KPNA4: variants seen among roughly 807,000 people sequenced by gnomAD.
KPNA4 encodes importin subunit alpha-3.
In KPNA4, 13 loss-of-function variants were observed where a neutral mutation model predicts 71.3. The ratio of observed to expected loss-of-function variants is 0.18; its 90% CI spans 0.12 to 0.29. The LOEUF is 0.29. Among genes scored for constraint, KPNA4 ranks in the 10% least tolerant of loss-of-function variants. The pLI is 1.00. For synonymous variants in KPNA4, 189 were observed against 195.2 expected, an observed-to-expected ratio of 0.97 and a Z score of 0.26; for missense variants, 334 against 603.2, an observed-to-expected ratio of 0.55 and a Z score of 4.67.
chr3:160,552,786 G>A (rs1405896022), intron 1 of KPNA4, among the ~76,000 whole-genome samples: 2 of 152,134 alleles, frequency 1.3e-5, no homozygotes, highest in Non-Finnish European at 2.9e-5. Context: ...GGGTGAAGAG[G>A]AGAACACCAC....
At chr3:160,526,968 A>G (rs188630912) in intron 8 of KPNA4, among the ~76,000 whole-genome samples, 1 of 152,286 alleles carries the variant, frequency 6.6e-6, no homozygotes, top group Non-Finnish European at 1.5e-5. Flanking sequence ...CTAATAGTAT[A>G]AACCCAATGT....
At chr3:160,535,094 T>C (rs534052820) in intron 5 of KPNA4, among the ~76,000 whole-genome samples, 15 of 152,314 alleles carry the variant, frequency 9.8e-5, no homozygotes, top group Middle Eastern at 3.4e-3. Flanking sequence ...GGATTTATTG[T>C]TTGATCAATA....
At chr3:160,548,513 T>C (rs868045798) in intron 1 of KPNA4, among the ~76,000 whole-genome samples, 12 of 152,188 alleles carry the variant, frequency 7.9e-5, no homozygotes, top group African/African-American at 1.2e-4. Context: ...TCTATGCATT[T>C]GCCTATTCTA....
At chr3:160,503,010 T>C (rs115895595) in intron 16 of KPNA4, among the ~76,000 whole-genome samples, 5,538 of 151,744 alleles carry the variant, frequency 0.036, 347 homozygotes, top group African/African-American at 0.13. Context: ...ACTTGGGAGG[T>C]TGAGGGTGGA....
intron 6 of KPNA4, among the ~76,000 whole-genome samples, chr3:160,531,224 T>C (rs1273883039): frequency 1.3e-5 from 2 of 152,128 alleles, no homozygotes; most frequent in Non-Finnish European, 2.9e-5. Flanking sequence ...CTGGTCAAAC[T>C]AGTTCTTGCC....
At chr3:160,527,887 T>C (rs1721488804) in intron 8 of KPNA4, 66 bp downstream of exon 8, 1 of 1,173,674 alleles carries the variant, frequency 8.5e-7, no homozygotes, top group Non-Finnish European at 1.2e-6. Context: ...GGATTACTAG[T>C]AGCTATTTTT....
chr3:160,534,285 T>G (rs1245925942), intron 5 of KPNA4, among the ~76,000 whole-genome samples: 1 of 152,170 alleles, frequency 6.6e-6, no homozygotes, highest in Non-Finnish European at 1.5e-5. Flanking sequence ...ATTCTTATAT[T>G]CATAAATATA....
chr3:160,561,553 A>C (rs1722246784), intron 1 of KPNA4, among the ~76,000 whole-genome samples: 1 of 151,990 alleles, frequency 6.6e-6, no homozygotes, highest in Non-Finnish European at 1.5e-5. Flanking sequence ...CAAGAAACTT[A>C]ACATGACCAC....
At chr3:160,521,723 T>C in intron 11 of KPNA4, 56 bp downstream of exon 11, 3 of 1,509,842 alleles carry the variant, frequency 2.0e-6, no homozygotes, top group South Asian at 2.4e-5. Flanking sequence ...TTGAATGCCA[T>C]GCTTAAAGCA....
At chr3:160,510,763 C>T (rs368275738) in intron 13 of KPNA4, among the ~76,000 whole-genome samples, 72 of 151,366 alleles carry the variant, frequency 4.8e-4, no homozygotes, top group African/African-American at 1.6e-3. Flanking sequence ...CAAATATAAT[C>T]GGGCAAAAAC....
chr3:160,543,404 G>A (rs1272771005), intron 1 of KPNA4, among the ~76,000 whole-genome samples: 4 of 150,856 alleles, frequency 2.7e-5, no homozygotes, highest in Non-Finnish European at 4.4e-5. Flanking sequence ...GCAGTGGCGC[G>A]ACCTCAGCTC....
chr3:160,541,583 A>C (rs1721797632), intron 1 of KPNA4, among the ~76,000 whole-genome samples: 1 of 151,864 alleles, frequency 6.6e-6, no homozygotes, highest in Non-Finnish European at 1.5e-5. Flanking sequence ...ATATCATTGA[A>C]TTCTACACTT....
intron 1 of KPNA4, among the ~76,000 whole-genome samples, chr3:160,541,949 C>T (rs1721807407): frequency 6.6e-6 from 1 of 152,076 alleles, no homozygotes; most frequent in Non-Finnish European, 1.5e-5. Context: ...ATTTAATACA[C>T]GTATTAATAA....
rs568923304 is a variant in KPNA4 at position 160,525,219 on chromosome 3, A to AAG, written c.771+579_771+580dup. ...TTTTTTTCCTGTTGTTTGGATAATC[A>AAG]AGTTATCTTGATAAATGAAGCCACT... On this transcript the variant is annotated intron_variant, in intron 10 of 16. Coordinates refer to ENST00000334256, the MANE Select transcript of KPNA4 (RefSeq NM_002268.5). 1.3e-4 allele frequency among the ~76,000 whole-genome samples: 20 copies of AAG among 152,282 alleles called. No homozygotes were observed. In the South Asian group the frequency reaches 3.5e-3, roughly 27 times the overall value.
chr3:160,514,859 G>C (rs762271569), intron 12 of KPNA4: 6 of 446,516 alleles, frequency 1.3e-5, no homozygotes, highest in Admixed American at 1.2e-4. Context: ...TAACTAATAA[G>C]TTTTACTCTA....
At chr3:160,531,649 C>G (rs1721577031) in intron 5 of KPNA4, 92 bp from the exon 6 acceptor site, 1 of 608,902 alleles carries the variant, frequency 1.6e-6, no homozygotes, top group Non-Finnish European at 2.6e-6. Flanking sequence ...TAACATAAAT[C>G]TGAATATTTG....
intron 1 of KPNA4, among the ~76,000 whole-genome samples, chr3:160,544,833 A>G (rs920089692): frequency 6.6e-6 from 1 of 152,152 alleles, no homozygotes; most frequent in Non-Finnish European, 1.5e-5. Context: ...AAACTATACC[A>G]AATGTGTAAG....
At chr3:160,505,152 AT>A in intron 15 of KPNA4, 100 bp from the exon 16 acceptor site, 4 of 501,704 alleles carry the variant, frequency 8.0e-6, no homozygotes, top group Non-Finnish European at 1.3e-5. Context: ...TGAATCGCAA[AT>A]TTTTTGAATT....
In KPNA4 at chr3:160,498,663, G is replaced by GTTC. The variant is rs1350726121; in HGVS notation, c.*3440_*3441insGAA. ...CAGAGATTCTCTTGCTGGCCTTGAA[G>GTTC]AAGTTCCCATGATTTCTTCAGTTGC... On this transcript the variant is annotated 3_prime_UTR_variant, in exon 17 of 17. Transcript: ENST00000334256. The GTTC allele has an allele frequency of 6.6e-6, 1 of 152,192 alleles. No individual in the cohort carries two copies. Among genetic ancestry groups the GTTC allele is most frequent in the Admixed American group, 6.5e-5 (1 of 15,274 alleles). The allele number at this position is 152,192 out of a possible 1,614,324, so 9.4% of individuals were successfully genotyped here.
Sources: gnomAD v4.1 joint callset for allele counts (sites outside exome capture counted in the v4.1 genomes callset) on GRCh38, gnomAD v4.1.1 for gene constraint, MANE v1.5 for transcripts, NCBI Gene and HGNC (gene_info 2026-07-23, HGNC 2026-07-21) for gene names.